The following CUX2 variants were observed in gnomAD, a reference collection of about 807,000 sequenced individuals.
CUX2 encodes homeobox protein cut-like 2.
A neutral mutation model predicts 144.8 loss-of-function variants in CUX2; 40 were observed. The observed-to-expected ratio is 0.28, with a 90% CI of 0.21 to 0.36. The LOEUF is 0.36. Ranked by LOEUF, CUX2 falls within the 10% of genes least tolerant of loss-of-function variation. The pLI, the probability that CUX2 is intolerant of heterozygous loss-of-function variation, is 1.00. For missense variants in CUX2, 1,615 were observed against 1,994.0 expected, an observed-to-expected ratio of 0.81 and a Z score of 3.62; for synonymous variants, 827 against 875.6, an observed-to-expected ratio of 0.94 and a Z score of 0.98.
rs907539945 is a variant in CUX2, at chr12:111,246,212, T to G, written c.223-17549T>G. 1.3e-5 allele frequency among the ~76,000 whole-genome samples: 2 copies of G among 152,210 alleles called. No homozygotes were observed. Among genetic ancestry groups the G allele is most frequent in the African/African-American group, 4.8e-5 (2 of 41,464 alleles). ...CACTGGTGTGACACAGAGATTCATA[T>G]AGTGAACGCCACCATCAGTGACACT... On this transcript the variant is annotated intron_variant, in intron 3 of 21. Transcript: ENST00000261726. This position sits in a 1 kb window ranked among gnomAD's most constrained non-coding sequence, Gnocchi z 4.0.
At chr12:111,305,004 T>G (rs1451560606) in intron 10 of CUX2, among the ~76,000 whole-genome samples, 1 of 152,224 alleles carries the variant, frequency 6.6e-6, no homozygotes, top group Non-Finnish European at 1.5e-5. Context: ...GAGCCAGTCT[T>G]CGGTGATCAA....
chr12:111,124,739 C>T (rs1243162757), intron 1 of CUX2, among the ~76,000 whole-genome samples: 1 of 152,120 alleles, frequency 6.6e-6, no homozygotes, highest in African/African-American at 2.4e-5. Flanking sequence ...ATCCCATCAC[C>T]CAGGTAATGA....
intron 1 of CUX2, among the ~76,000 whole-genome samples, chr12:111,182,736 T>A (rs1205924168): frequency 6.6e-6 from 1 of 152,088 alleles, no homozygotes; most frequent in Non-Finnish European, 1.5e-5. Flanking sequence ...TTGGCTGAGC[T>A]CAGTAACACA....
At position 111,214,173 on chromosome 12, in the gene CUX2, C is replaced by CTCT. The variant is rs764007138; in HGVS notation, c.64-26_64-25insCTT. ...AAATCTTTTTCTTTTCTCTCTCTCT[C>CTCT]TTTTTTTTTTTTTTTTATTGTTCCA... On this transcript the variant is annotated intron_variant, in intron 1 of 21. Coordinates refer to ENST00000261726, the MANE Select transcript of CUX2 (RefSeq NM_015267.4). The CTCT allele has an allele frequency of 2.0e-5, 20 of 1,003,518 alleles. No homozygotes were observed. In the African/African-American group the frequency reaches 2.7e-4, roughly 14 times the overall value. 62.2% of individuals were successfully genotyped at this position (1,003,518 alleles called of 1,614,324 possible).
Position 111,178,382 on chromosome 12 carries a change from CAGGAATAT to C in CUX2, c.64-35816_64-35809del, listed in dbSNP as rs1416799275. 6.6e-6 allele frequency among the ~76,000 whole-genome samples: 1 copy of C among 152,246 alleles called. No individual in the cohort carries two copies. Among genetic ancestry groups the C allele is most frequent in the African/African-American group, 2.4e-5 (1 of 41,466 alleles). On this transcript the variant is annotated intron_variant, in intron 1 of 21. Coordinates refer to ENST00000261726, the MANE Select transcript of CUX2 (RefSeq NM_015267.4). The surrounding 1 kb of genome is among the most constrained non-coding windows in gnomAD (Gnocchi z 5.7). ...TTGGGCAGACAGCCCTGTGGTCTGGCAGGAATATAATTTGCTGTCACGTTGACAAGTCC... is the reference window on the plus strand; with the variant it reads ...TTGGGCAGACAGCCCTGTGGTCTGGCAATTTGCTGTCACGTTGACAAGTCC...
At position 111,322,720 on chromosome 12, in the gene CUX2, G is replaced by C; in HGVS notation, c.2926+140G>C. ...GGCTTTCATCCCAGTCACTGTCATG[G>C]CTGCACTGGAACATGGCGGGGGGTC... On this transcript the variant is annotated intron_variant, in intron 18 of 21. Transcript: ENST00000261726. The surrounding 1 kb of genome is among the most constrained non-coding windows in gnomAD (Gnocchi z 4.2). 8.9e-7 allele frequency: 1 copy of C among 1,119,310 alleles called. No homozygotes were observed. The highest frequency in any genetic ancestry group is 1.3e-6 in the Non-Finnish European group (1 of 789,964). The allele number at this position is 1,119,310 out of a possible 1,614,324, so 69.3% of individuals were successfully genotyped here. A position where few individuals can be genotyped will look rare whatever the true frequency, so the allele number is the denominator to read the frequency against.
intron 18 of CUX2, among the ~76,000 whole-genome samples, chr12:111,333,675 T>C (rs1487747165): frequency 6.6e-6 from 1 of 152,180 alleles, no homozygotes; most frequent in East Asian, 1.9e-4. Flanking sequence ...TGTTGCTGAC[T>C]TGCCCTGTGA....
intron 1 of CUX2, among the ~76,000 whole-genome samples, chr12:111,141,008 T>C (rs1876279183): frequency 6.6e-6 from 1 of 152,078 alleles, no homozygotes; most frequent in Non-Finnish European, 1.5e-5. Context: ...TGAAGGGAGA[T>C]GTTCTATGTG....
chr12:111,187,662 C>G (rs192469367), intron 1 of CUX2, among the ~76,000 whole-genome samples: 1 of 152,186 alleles, frequency 6.6e-6, no homozygotes, highest in Non-Finnish European at 1.5e-5. Context: ...CACAACAGGC[C>G]GGCTGGGTCT....
chr12:111,226,286 G>A (rs576977801), intron 3 of CUX2, among the ~76,000 whole-genome samples: 11 of 152,164 alleles, frequency 7.2e-5, no homozygotes, highest in African/African-American at 2.4e-4. Context: ...TCCTTTGATG[G>A]TGCATGCTCC....
At chr12:111,231,028 T>C (rs1354567610) in intron 3 of CUX2, among the ~76,000 whole-genome samples, 1 of 152,194 alleles carries the variant, frequency 6.6e-6, no homozygotes, top group Non-Finnish European at 1.5e-5. Context: ...TTTTTCAAAT[T>C]TTGTATTCTG....
chr12:111,047,154 C>T (rs1468189564), intron 1 of CUX2, among the ~76,000 whole-genome samples: 1 of 152,210 alleles, frequency 6.6e-6, no homozygotes, highest in East Asian at 1.9e-4. Context: ...CCCGGAGCCG[C>T]GTGGCGCGCC....
chr12:111,283,253 T>C (rs534555382), intron 4 of CUX2, among the ~76,000 whole-genome samples: 1 of 151,232 alleles, frequency 6.6e-6, no homozygotes, highest in South Asian at 2.1e-4. Context: ...TGTAGTCACA[T>C]GGGGGGCAGG....
intron 1 of CUX2, among the ~76,000 whole-genome samples, chr12:111,143,569 C>T (rs965291307): frequency 6.6e-6 from 1 of 152,180 alleles, no homozygotes; most frequent in African/African-American, 2.4e-5. Context: ...AAATGTAATA[C>T]CCACTAGTAT....
At chr12:111,080,450 T>C (rs1871820358) in intron 1 of CUX2, among the ~76,000 whole-genome samples, 1 of 151,648 alleles carries the variant, frequency 6.6e-6, no homozygotes, top group East Asian at 1.9e-4. Flanking sequence ...GATGGGAGGA[T>C]TGCTTGAGGC....
intron 3 of CUX2, among the ~76,000 whole-genome samples, chr12:111,261,721 C>T (rs112950870): frequency 0.029 from 4,339 of 152,012 alleles, 83 homozygotes; most frequent in African/African-American, 0.043. Flanking sequence ...GCCAACATGG[C>T]GAAACCTCAT....
At chr12:111,036,064 TGG>T (rs1227367035) in intron 1 of CUX2, among the ~76,000 whole-genome samples, 1 of 152,150 alleles carries the variant, frequency 6.6e-6, no homozygotes, top group Non-Finnish European at 1.5e-5. Context: ...CGGGCACGGC[TGG>T]GGGACAGCGT....
intron 1 of CUX2, among the ~76,000 whole-genome samples, chr12:111,052,975 A>G (rs548575869): frequency 7.8e-6 from 1 of 127,896 alleles, no homozygotes; most frequent in African/African-American, 3.1e-5. Flanking sequence ...CCCCACCCCC[A>G]CCTTCATCCC....
At chr12:111,144,601 G>A (rs1435006389) in intron 1 of CUX2, among the ~76,000 whole-genome samples, 1 of 152,170 alleles carries the variant, frequency 6.6e-6, no homozygotes, top group South Asian at 2.1e-4. Context: ...TTCCTCTCCT[G>A]TGCATCACTG....
Sources: allele counts gnomAD v4.1 joint callset (sites outside exome capture counted in the v4.1 genomes callset), GRCh38; gene constraint gnomAD v4.1.1; non-coding constraint Gnocchi (gnomAD v3.1); transcripts MANE v1.5; gene names NCBI Gene and HGNC (gene_info 2026-07-23, HGNC 2026-07-21).